The following SCIMP variants were observed in gnomAD, a reference collection of about 807,000 sequenced individuals.
The protein encoded by SCIMP is SLP adapter and CSK-interacting membrane protein.
Under a neutral mutation model 22.0 loss-of-function variants are expected in SCIMP, and 18 were observed. That is an observed-to-expected ratio of 0.82 (90% CI 0.56 to 1.21). SCIMP has a LOEUF of 1.21. Ranked by LOEUF, SCIMP falls within the 50% of genes most tolerant of loss-of-function variation. The probability of loss-of-function intolerance (pLI) is 0.00; values close to 1 mark genes in which losing one functional copy is unlikely to be tolerated. For missense variants in SCIMP, 155 were observed against 171.2 expected (o/e 0.91, Z 0.53); for synonymous variants, 53 against 62.2 (o/e 0.85, Z 0.70).
At chr17:5,215,763 G>C (rs1298036955) in intron 3 of SCIMP, among the ~76,000 whole-genome samples, 1 of 152,168 alleles carries the variant, frequency 6.6e-6, no homozygotes, top group Non-Finnish European at 1.5e-5. Context: ...AGAATGTTCA[G>C]AGCAACACTA....
intron 4 of SCIMP, chr17:5,213,026 T>TTTTTTTTTTTTTTTTTTTTTTTTTTTTAG (rs1555612865): frequency 3.4e-6 from 2 of 596,490 alleles, no homozygotes; most frequent in African/African-American, 2.1e-5. Context: ...TGGTAACTTC[T>TTTTTTTTTTTTTTTTTTTTTTTTTTTTAG]GAGCTGACAT....
chr17:5,213,731 C>T (rs1017421986), intron 4 of SCIMP: 1 of 152,270 alleles, frequency 6.6e-6, no homozygotes, highest in African/African-American at 2.4e-5. Context: ...GCCTATAATC[C>T]CAGTTACTCA....
rs777865501 is a variant in SCIMP at position 5,223,461 on chromosome 17, G to A, written c.22-5C>T. 6.2e-7 allele frequency: 1 copy of A among 1,613,610 alleles called. No homozygotes were observed. The highest frequency in any genetic ancestry group is 8.5e-7 in the Non-Finnish European group (1 of 1,179,598). On this transcript the variant is annotated splice_region_variant and splice_polypyrimidine_tract_variant and intron_variant, in intron 1 of 4. Transcript: ENST00000574081. ...CCAGCTCATTGCAGTGGAATCCTGAGAAGAATGGAGAGAGAAGAATGAGGT... is the reference window on the plus strand; with the variant it reads ...CCAGCTCATTGCAGTGGAATCCTGAAAAGAATGGAGAGAGAAGAATGAGGT...
chr17:5,234,739 A>C lies in SCIMP; in HGVS notation c.17T>G (p.Val6Gly). The change falls in exon 1 of 5, where the codon GTT becomes GGT. Residue 6 changes from valine (V) to glycine (G), a missense_variant. Physicochemically the swap from Val to Gly is moderately radical, Grantham distance 109 (BLOSUM62 -3). Coordinates refer to ENST00000574081, the MANE Select transcript of SCIMP (RefSeq NM_207103.3). MDTFT[V>G]QDSTAMSWWR... ...TTGGAAAGCTGAGATGCTTACCTGA[A>C]CTGTGAAAGTATCCATATGTGAGCA... 2 of 1,612,118 alleles carry C rather than the reference A, an allele frequency of 1.2e-6. No individual in the cohort carries two copies. Among genetic ancestry groups the C allele is most frequent in the South Asian group, 2.2e-5 (2 of 90,394 alleles).
chr17:5,211,830 G>C (rs1468649508), intron 4 of SCIMP, among the ~76,000 whole-genome samples: 2 of 152,148 alleles, frequency 1.3e-5, no homozygotes, highest in African/African-American at 4.8e-5. Flanking sequence ...GGCTGAAGTG[G>C]GCAGATCACC....
intron 1 of SCIMP, among the ~76,000 whole-genome samples, chr17:5,226,966 G>C (rs1022309929): frequency 6.6e-6 from 1 of 152,014 alleles, no homozygotes; most frequent in African/African-American, 2.4e-5. Context: ...GAAGCCCTGG[G>C]GAAGGATGAT....
chr17:5,210,795 G>A lies in SCIMP; in HGVS notation c.*6C>T, dbSNP rs781018296. ...TCAGTTTTGCCAAAAAGAAGAAATG[G>A]CTGTTTCAAAATGATGCTTTTTCAG... On this transcript the variant is annotated 3_prime_UTR_variant, in exon 5 of 5. Transcript: ENST00000574081. The A allele has an allele frequency of 2.7e-5, 43 of 1,602,830 alleles. No homozygotes were observed. In the East Asian group the frequency reaches 9.1e-4, roughly 34 times the overall value.
intron 1 of SCIMP, among the ~76,000 whole-genome samples, chr17:5,225,203 G>A (rs144284167): frequency 6.9e-4 from 105 of 152,246 alleles, no homozygotes; most frequent in African/African-American, 2.4e-3. Flanking sequence ...GGTGGCTCAC[G>A]CCTGTAATCC....
chr17:5,234,835 G>C lies in SCIMP; in HGVS notation c.-80C>G. On this transcript the variant is annotated 5_prime_UTR_variant, in exon 1 of 5. Coordinates refer to ENST00000574081, the MANE Select transcript of SCIMP (RefSeq NM_207103.3). ...TGGTGAGAGGCATTCCTCACTCACAGGCCTTCACCCACTGCTAGAGACAGT... is the reference window on the plus strand; with the variant it reads ...TGGTGAGAGGCATTCCTCACTCACACGCCTTCACCCACTGCTAGAGACAGT... 1.3e-6 allele frequency: 2 copies of C among 1,563,918 alleles called. No individual in the cohort carries two copies. The highest frequency in any genetic ancestry group is 2.3e-5 in the South Asian group (2 of 85,112).
chr17:5,227,471 C>A (rs560735034), intron 1 of SCIMP, among the ~76,000 whole-genome samples: 24 of 152,288 alleles, frequency 1.6e-4, no homozygotes, highest in African/African-American at 5.8e-4. Context: ...ATGCCTCGGC[C>A]TCCCAAAGTT....
At position 5,209,744 on chromosome 17, in the gene SCIMP, C is replaced by T. The variant is rs2074513607; in HGVS notation, c.*1057G>A. On this transcript the variant is annotated 3_prime_UTR_variant, in exon 5 of 5. Transcript: ENST00000574081. The stretch of plus-strand genomic sequence containing the variant: ...AAGCTGACTCGGGCCTTGTTGACCC[C>T]ATTAGGACACTTGTTTAACAAGACA... 6.6e-6 allele frequency: 1 copy of T among 152,170 alleles called. No individual in the cohort carries two copies. Among genetic ancestry groups the T allele is most frequent in the Non-Finnish European group, 1.5e-5 (1 of 68,066 alleles). 9.4% of individuals were successfully genotyped at this position (152,170 alleles called of 1,614,324 possible).
intron 1 of SCIMP, among the ~76,000 whole-genome samples, chr17:5,228,360 T>C (rs117205687): frequency 1.2e-5 from 1 of 85,094 alleles, no homozygotes; most frequent in Non-Finnish European, 2.5e-5. Flanking sequence ...AAAAAAAAAA[T>C]GCATTGAGCA....
Position 5,218,397 on chromosome 17 carries a change from T to G in SCIMP, c.209+2890A>C, listed in dbSNP as rs984775724. Among the ~76,000 whole-genome samples, 6 of 151,798 alleles carry G rather than the reference T, an allele frequency of 4.0e-5. No homozygotes were observed. In the South Asian group the frequency reaches 8.3e-4, roughly 21 times the overall value. ...ACTCGTCACCCAGGCTGGAGTGCAGTGGCACGATCTTGGATCACTGCAACC... is the reference window on the plus strand; with the variant it reads ...ACTCGTCACCCAGGCTGGAGTGCAGGGGCACGATCTTGGATCACTGCAACC... On this transcript the variant is annotated intron_variant, in intron 3 of 4. Coordinates refer to ENST00000574081, the MANE Select transcript of SCIMP (RefSeq NM_207103.3).
chr17:5,218,679 C>T (rs937010381), intron 3 of SCIMP, among the ~76,000 whole-genome samples: 13 of 152,156 alleles, frequency 8.5e-5, no homozygotes, highest in African/African-American at 2.9e-4. Context: ...AGTCACCTGA[C>T]TGCCTGACAC....
intron 3 of SCIMP, among the ~76,000 whole-genome samples, chr17:5,219,869 G>T (rs938301299): frequency 2.0e-5 from 3 of 152,106 alleles, no homozygotes; most frequent in Non-Finnish European, 4.4e-5. Flanking sequence ...GCAGTGCTTC[G>T]CGTCTGTTGC....
In SCIMP at chr17:5,221,159, T is replaced by G. The variant is rs762987175; in HGVS notation, c.209+128A>C. ...CTTATGTGGAGAGATTTGGCAGGTGTGAAGTCTCGCCAGCTCTACAGGAAA... is the reference window on the plus strand; with the variant it reads ...CTTATGTGGAGAGATTTGGCAGGTGGGAAGTCTCGCCAGCTCTACAGGAAA... On this transcript the variant is annotated intron_variant, in intron 3 of 4. Coordinates refer to ENST00000574081, the MANE Select transcript of SCIMP (RefSeq NM_207103.3). The G allele has an allele frequency of 7.9e-6, 6 of 762,230 alleles. No individual in the cohort carries two copies. In the African/African-American group the frequency reaches 8.6e-5, roughly 11 times the overall value. 47.2% of individuals were successfully genotyped at this position (762,230 alleles called of 1,614,324 possible). A position where few individuals can be genotyped will look rare whatever the true frequency, so the allele number is the denominator to read the frequency against.
chr17:5,229,890 CTCCTCTCCTCTCCGG>C (rs2074681092), intron 1 of SCIMP, among the ~76,000 whole-genome samples: 1 of 149,720 alleles, frequency 6.7e-6, no homozygotes, highest in Admixed American at 6.7e-5. Context: ...CTCCTCTCCA[CTCCTCTCCTCTCCGG>C]TCCTCTCCTC....
At chr17:5,212,996 CAG>C (rs1359353392) in intron 4 of SCIMP, 2 of 150,100 alleles carry the variant, frequency 1.3e-5, no homozygotes, top group Non-Finnish European at 1.9e-5. Context: ...GTTGAGTGGA[CAG>C]AGAGGGCCTC....
At chr17:5,216,748 G>A (rs1395463847) in intron 3 of SCIMP, among the ~76,000 whole-genome samples, 1 of 152,178 alleles carries the variant, frequency 6.6e-6, no homozygotes, top group Non-Finnish European at 1.5e-5. Flanking sequence ...GGGATGTAAT[G>A]GTTGAAAGGC....
Sources: allele counts gnomAD v4.1 joint callset (sites outside exome capture counted in the v4.1 genomes callset), GRCh38; gene constraint gnomAD v4.1.1; transcripts MANE v1.5; gene names NCBI Gene and HGNC (gene_info 2026-07-23, HGNC 2026-07-21).